Variants in IFT43 observed in about 807,000 individuals in gnomAD.
IFT43 encodes intraflagellar transport protein 43 homolog.
Under a neutral mutation model 32.3 loss-of-function variants are expected in IFT43, and 33 were observed. The observed-to-expected ratio is 1.02, with a 90% CI of 0.77 to 1.37. The LOEUF (loss-of-function observed/expected upper bound fraction) is 1.37. IFT43 is among the 40% of genes most tolerant of loss of function. The pLI is 0.00. For synonymous variants in IFT43, 93 were observed against 98.2 expected (o/e 0.95, Z 0.31); for missense variants, 274 against 265.9 (o/e 1.03, Z -0.21).
chr14:75,987,572 A>C (rs2035553220), intron 1 of IFT43, among the ~76,000 whole-genome samples: 1 of 152,168 alleles, frequency 6.6e-6, no homozygotes, highest in Non-Finnish European at 1.5e-5. Flanking sequence ...TCCTTTGTAA[A>C]ATGACAGCAG....
At chr14:76,019,511 C>T (rs886284903) in intron 2 of IFT43, among the ~76,000 whole-genome samples, 2 of 150,884 alleles carry the variant, frequency 1.3e-5, no homozygotes, top group African/African-American at 4.9e-5. Flanking sequence ...TTATCTTTGT[C>T]TTTGACTTGA....
intron 2 of IFT43, among the ~76,000 whole-genome samples, chr14:76,016,086 T>C (rs1566708631): frequency 6.6e-6 from 1 of 152,210 alleles, no homozygotes; most frequent in Non-Finnish European, 1.5e-5. Context: ...TCTTGTTGGA[T>C]AAATAGTTTG....
At chr14:75,997,785 G>T (rs1391308886) in intron 2 of IFT43, among the ~76,000 whole-genome samples, 1 of 152,120 alleles carries the variant, frequency 6.6e-6, no homozygotes, top group Non-Finnish European at 1.5e-5. Flanking sequence ...TTAGAGAAAT[G>T]ATTTGAGCTA....
chr14:76,059,367 G>A lies in IFT43; in HGVS notation c.289G>A (p.Gly97Arg), dbSNP rs751022569. 1.2e-6 allele frequency: 2 copies of A among 1,614,036 alleles called. No individual in the cohort carries two copies. The highest frequency in any genetic ancestry group is 1.1e-5 in the South Asian group (1 of 91,080). The change falls in exon 5 of 9, where the codon GGA (glycine) becomes AGA (arginine). Residue 97 changes from glycine (G) to arginine (R), a missense_variant. By Grantham distance (125) the Gly-to-Arg change is moderately radical. Coordinates refer to ENST00000314067, the MANE Select transcript of IFT43 (RefSeq NM_001102564.3). ...ACAGAGCCTGAATGGATCAGATTAT[G>A]GAGGAGGTAAGAGGCCCTTGGAGGA... ...RPQSLNGSDY[G>R]GDIPIIPDLE...
chr14:76,023,809 C>T (rs1039626403), intron 3 of IFT43, among the ~76,000 whole-genome samples: 3 of 152,176 alleles, frequency 2.0e-5, no homozygotes, highest in Non-Finnish European at 2.9e-5. Flanking sequence ...GAAGAATCTT[C>T]TTTAATTGTG....
At chr14:76,040,866 G>A (rs935290106) in intron 3 of IFT43, among the ~76,000 whole-genome samples, 2 of 152,214 alleles carry the variant, frequency 1.3e-5, no homozygotes, top group African/African-American at 4.8e-5. Context: ...GAGAACAGGT[G>A]GGGACTCGAG....
rs1441814447 is a variant in IFT43 at position 76,060,821 on chromosome 14, C to T, written c.295+1448C>T. 8.9e-5 allele frequency among the ~76,000 whole-genome samples: 10 copies of T among 111,936 alleles called. No homozygotes were observed. In the Admixed American group the frequency reaches 9.1e-4, roughly 10 times the overall value. The allele number at this position is 111,936 out of a possible 152,430, so 73.4% of individuals were successfully genotyped here. ...TCTTTCTTCCCTCCCTTCCTCCCTC[C>T]CTCCCTTTCTTCCTTCCTTCCTTCC... is the stretch of plus-strand genomic sequence containing the variant. On this transcript the variant is annotated intron_variant, in intron 5 of 8. Transcript: ENST00000314067.
chr14:76,047,413 A>G (rs1328825996), intron 3 of IFT43, among the ~76,000 whole-genome samples: 2 of 152,086 alleles, frequency 1.3e-5, no homozygotes, highest in East Asian at 3.9e-4. Flanking sequence ...CCTCTTTCCA[A>G]CTGCTTGGAG....
chr14:75,999,281 A>ATATATTTT (rs1566699821), intron 2 of IFT43, among the ~76,000 whole-genome samples: 4 of 39,052 alleles, frequency 1.0e-4, no homozygotes, highest in Admixed American at 2.9e-4. Flanking sequence ...ATGTATATAT[A>ATATATTTT]TTTTTTTTTT....
intron 2 of IFT43, among the ~76,000 whole-genome samples, chr14:76,010,883 C>T (rs1295432234): frequency 1.3e-5 from 2 of 151,240 alleles, no homozygotes; most frequent in Non-Finnish European, 2.9e-5. Flanking sequence ...TTAGAATAGT[C>T]CCCTAACTCC....
rs550710429 is a variant in IFT43 at position 76,015,486 on chromosome 14, G to C, written c.148-6841G>C. 9.8e-5 allele frequency among the ~76,000 whole-genome samples: 15 copies of C among 152,312 alleles called. No homozygotes were observed. In the Middle Eastern group the frequency reaches 0.01, roughly 104 times the overall value. ...TTTTCTGAATGATCTCAATGTTGGG[G>C]TGGAGGAAATGAAAAGTAGCTTATA... On this transcript the variant is annotated intron_variant, in intron 2 of 8. Coordinates refer to ENST00000314067, the MANE Select transcript of IFT43 (RefSeq NM_001102564.3).
rs564233218 is a variant in IFT43, at chr14:76,041,323, C to A, written c.216-17319C>A. ...AGAAGGTCAGGAAAGAAATGAGTGG[C>A]CCATGGAAGTGTCCCTTAAATGATA... On this transcript the variant is annotated intron_variant, in intron 3 of 8. Coordinates refer to ENST00000314067, the MANE Select transcript of IFT43 (RefSeq NM_001102564.3). 1.0e-3 allele frequency among the ~76,000 whole-genome samples: 156 copies of A among 152,228 alleles called. 1 individual carries two copies. Among genetic ancestry groups the A allele is most frequent in the African/African-American group, 3.5e-3 (146 of 41,540 alleles).
chr14:75,999,596 A>C (rs761735476), intron 2 of IFT43, among the ~76,000 whole-genome samples: 1 of 152,146 alleles, frequency 6.6e-6, no homozygotes. Context: ...CTGAAGTACT[A>C]TCTGAGTTCA....
chr14:76,082,399 A>G (rs1416778890), intron 6 of IFT43, 32 bp downstream of exon 6: 3 of 1,390,218 alleles, frequency 2.2e-6, no homozygotes, highest in Non-Finnish European at 2.0e-6. Flanking sequence ...TGGGGAGGCA[A>G]AGAACACGTG....
intron 2 of IFT43, among the ~76,000 whole-genome samples, chr14:76,000,262 C>CTT (rs35001298): frequency 2.5e-4 from 29 of 115,528 alleles, no homozygotes; most frequent in African/African-American, 3.7e-4. Context: ...TAACTGGCTT[C>CTT]TTTTTTTTTT....
intron 2 of IFT43, among the ~76,000 whole-genome samples, chr14:76,002,842 G>T (rs781758587): frequency 5.3e-5 from 8 of 152,212 alleles, no homozygotes; most frequent in Non-Finnish European, 7.3e-5. Context: ...TAAAAAATGA[G>T]CAGACTCTAC....
intron 1 of IFT43, 126 bp downstream of exon 1, chr14:75,985,966 G>A (rs1041501373): frequency 5.2e-6 from 8 of 1,533,824 alleles, no homozygotes; most frequent in Non-Finnish European, 7.0e-6. Context: ...GTGAGGCCCA[G>A]AAGGAGGCAG....
intron 5 of IFT43, 86 bp from the exon 6 acceptor site, chr14:76,082,209 G>T: frequency 1.6e-6 from 2 of 1,223,144 alleles, no homozygotes; most frequent in Non-Finnish European, 1.2e-6. Flanking sequence ...TGGCTGGTGT[G>T]TTGAAGGGGA....
At chr14:76,059,893 G>C (rs767142561) in intron 5 of IFT43, among the ~76,000 whole-genome samples, 2 of 152,232 alleles carry the variant, frequency 1.3e-5, no homozygotes, top group Non-Finnish European at 2.9e-5. Context: ...TGCTAAGTGA[G>C]TAGAGCCAGG....
Sources: gnomAD v4.1 joint callset for allele counts (sites outside exome capture counted in the v4.1 genomes callset) on GRCh38, gnomAD v4.1.1 for gene constraint, MANE v1.5 for transcripts, NCBI Gene and HGNC (gene_info 2026-07-23, HGNC 2026-07-21) for gene names.